NLN: variants seen among roughly 807,000 people sequenced by gnomAD.
NLN encodes neurolysin, mitochondrial.
A neutral mutation model predicts 79.9 loss-of-function variants in NLN; 64 were observed. That is an observed-to-expected ratio of 0.80 (90% confidence interval 0.65 to 0.99). NLN has a LOEUF of 0.99. Ranked by LOEUF, NLN falls within the 50% of genes least tolerant of loss-of-function variation. The pLI is 0.00. For synonymous variants in NLN, 267 were observed against 296.6 expected (o/e 0.90, Z 1.02); for missense variants, 835 against 858.7 (o/e 0.97, Z 0.34).
intron 11 of NLN, among the ~76,000 whole-genome samples, chr5:65,810,437 T>A (rs953329212): frequency 1.3e-5 from 2 of 152,242 alleles, no homozygotes; most frequent in Non-Finnish European, 2.9e-5. Flanking sequence ...CCATTCGTGT[T>A]GGCAGCACAC....
intron 1 of NLN, among the ~76,000 whole-genome samples, chr5:65,727,402 A>G (rs142768041): frequency 5.9e-4 from 90 of 152,298 alleles, no homozygotes; most frequent in African/African-American, 2.0e-3. Context: ...ATTCCTGGCC[A>G]CAAATGATCC....
intron 1 of NLN, among the ~76,000 whole-genome samples, chr5:65,738,639 A>T (rs896387041): frequency 3.9e-5 from 6 of 152,124 alleles, no homozygotes; most frequent in African/African-American, 1.4e-4. Flanking sequence ...ATCATGTAGT[A>T]CAATAGATCT....
In NLN at chr5:65,780,242, G is replaced by A; in HGVS notation, c.622G>A (p.Glu208Lys). Reference sequence around the variant, plus strand: ...TATTGATTTTAACAAAAACCTCAATGAGGATGATACCTTCCTTGTATTTTC... The same window carrying A: ...TATTGATTTTAACAAAAACCTCAATAAGGATGATACCTTCCTTGTATTTTC... Reference protein sequence around the residue: ...LCIDFNKNLNEDDTFLVFSKA... With the variant: ...LCIDFNKNLNKDDTFLVFSKA... The change falls in exon 5 of 13, where the codon GAG becomes AAG. Residue 208 changes from glutamate (E) to lysine (K), a missense_variant. By Grantham distance (56) the Glu-to-Lys change is moderately conservative. Transcript: ENST00000380985. 4.7e-6 allele frequency: 7 copies of A among 1,485,402 alleles called. No homozygotes were observed. Among genetic ancestry groups the A allele is most frequent in the South Asian group, 1.2e-5 (1 of 84,920 alleles). 92.0% of individuals were successfully genotyped at this position (1,485,402 alleles called of 1,614,324 possible). A position where few individuals can be genotyped will look rare whatever the true frequency, so the allele number is the denominator to read the frequency against.
At chr5:65,745,682 A>G (rs1758961623) in intron 1 of NLN, among the ~76,000 whole-genome samples, 1 of 152,232 alleles carries the variant, frequency 6.6e-6, no homozygotes. Context: ...ATATGAGAGC[A>G]AAAGGATGGC....
At chr5:65,790,837 T>C (rs1251834964) in intron 8 of NLN, among the ~76,000 whole-genome samples, 1 of 152,238 alleles carries the variant, frequency 6.6e-6, no homozygotes, top group Non-Finnish European at 1.5e-5. Context: ...TCCTTTAATA[T>C]TGGAGTCTCC....
At position 65,792,670 on chromosome 5, in the gene NLN, T is replaced by TC. The variant is rs751912094; in HGVS notation, c.1527+20dup. On this transcript the variant is annotated intron_variant, in intron 9 of 12. Coordinates refer to ENST00000380985, the MANE Select transcript of NLN (RefSeq NM_020726.5). ...TTTGTGCACAGGTGAGTTTTTTTTTTCCCCCAGTAAACCTGCCAATTAGTT... is the reference window on the plus strand; with the variant it reads ...TTTGTGCACAGGTGAGTTTTTTTTTTCCCCCCAGTAAACCTGCCAATTAGTT... 12 of 1,584,194 alleles carry TC rather than the reference T, an allele frequency of 7.6e-6. No individual in the cohort carries two copies. Among genetic ancestry groups the TC allele is most frequent in the African/African-American group, 1.4e-5 (1 of 73,360 alleles).
intron 3 of NLN, among the ~76,000 whole-genome samples, chr5:65,764,229 T>G (rs1371154231): frequency 6.6e-6 from 1 of 152,220 alleles, no homozygotes; most frequent in Non-Finnish European, 1.5e-5. Context: ...TTGTTTTTAT[T>G]TCACATTCTG....
At chr5:65,746,660 T>C (rs1284419085) in intron 1 of NLN, among the ~76,000 whole-genome samples, 1 of 152,132 alleles carries the variant, frequency 6.6e-6, no homozygotes, top group Non-Finnish European at 1.5e-5. Flanking sequence ...TGGAGAAATG[T>C]AAATACTCCA....
intron 12 of NLN, among the ~76,000 whole-genome samples, chr5:65,822,416 C>T (rs1410872001): frequency 2.6e-5 from 4 of 152,196 alleles, no homozygotes; most frequent in African/African-American, 4.8e-5. Context: ...TTGTAGCCTT[C>T]GTGAACACTT....
chr5:65,784,169 T>C (rs1452077129), intron 6 of NLN, among the ~76,000 whole-genome samples: 3 of 152,224 alleles, frequency 2.0e-5, no homozygotes, highest in South Asian at 2.1e-4. Flanking sequence ...GAAACCAGTC[T>C]ATAAATAATT....
intron 1 of NLN, among the ~76,000 whole-genome samples, chr5:65,755,418 C>T (rs1039317738): frequency 1.1e-4 from 16 of 152,080 alleles, no homozygotes; most frequent in African/African-American, 2.9e-4. Context: ...GTGGAACATG[C>T]GTATAAGGAA....
At chr5:65,753,834 A>G (rs542960293) in intron 1 of NLN, among the ~76,000 whole-genome samples, 4 of 152,192 alleles carry the variant, frequency 2.6e-5, no homozygotes, top group African/African-American at 7.2e-5. Flanking sequence ...CTTTTTACCT[A>G]TACTGGGACT....
chr5:65,786,974 G>A lies in NLN; in HGVS notation c.958+1064G>A, dbSNP rs17183646. Among the ~76,000 whole-genome samples the A allele has an allele frequency of 5.8e-3, 882 of 152,304 alleles. 7 individuals are homozygous for A. The highest frequency in any genetic ancestry group is 0.02 in the Middle Eastern group (6 of 294). The stretch of plus-strand genomic sequence containing the variant: ...GTAATTACTCTACAGTCTGATGCAT[G>A]GTATACAAGAGGATGGCTCAGAGAG... On this transcript the variant is annotated intron_variant, in intron 7 of 12. Transcript: ENST00000380985.
In NLN at chr5:65,800,832, A is replaced by T. The variant is rs1760271315; in HGVS notation, c.1527+8177A>T. Among the ~76,000 whole-genome samples the T allele has an allele frequency of 2.6e-5, 4 of 152,074 alleles. No individual in the cohort carries two copies. The South Asian group carries it at 6.2e-4, about 24-fold the overall frequency. ...CAGACTCCTGAGTAGCTGAGACTAC[A>T]GGAATGCACCACCATGCCCAGCTAA... is the stretch of plus-strand genomic sequence containing the variant. On this transcript the variant is annotated intron_variant, in intron 9 of 12. Transcript: ENST00000380985.
intron 3 of NLN, among the ~76,000 whole-genome samples, chr5:65,768,326 A>C (rs1159396488): frequency 6.6e-6 from 1 of 152,170 alleles, no homozygotes; most frequent in African/African-American, 2.4e-5. Flanking sequence ...AGCAAGGTAC[A>C]TCTTACATGG....
intron 1 of NLN, 56 bp downstream of exon 1, chr5:65,722,470 T>G: frequency 6.8e-7 from 1 of 1,481,414 alleles, no homozygotes; most frequent in South Asian, 1.2e-5. Context: ...TCTTTCGCCG[T>G]GTGGTGCCTG....
chr5:65,814,746 G>A (rs1760630358), intron 12 of NLN, among the ~76,000 whole-genome samples: 1 of 151,996 alleles, frequency 6.6e-6, no homozygotes, highest in African/African-American at 2.4e-5. Flanking sequence ...ATGGAAAATA[G>A]ACTAGTTTTT....
chr5:65,754,419 G>A (rs804490), intron 1 of NLN, among the ~76,000 whole-genome samples: 74,006 of 151,846 alleles, frequency 0.49, 18,660 homozygotes, highest in South Asian at 0.57. Context: ...TTCAAAGAAC[G>A]TGAACTATGT....
intron 1 of NLN, among the ~76,000 whole-genome samples, chr5:65,729,522 C>T (rs912365531): frequency 1.3e-5 from 2 of 151,770 alleles, no homozygotes; most frequent in African/African-American, 4.8e-5. Context: ...TTACAGGCAC[C>T]TGCCACCACG....
Sources: gnomAD v4.1 joint callset for allele counts (sites outside exome capture counted in the v4.1 genomes callset) on GRCh38, gnomAD v4.1.1 for gene constraint, MANE v1.5 for transcripts, NCBI Gene and HGNC (gene_info 2026-07-23, HGNC 2026-07-21) for gene names.